The following ZNF618 variants were observed in gnomAD, a reference collection of about 807,000 sequenced individuals.
The protein encoded by ZNF618 is zinc finger protein 618.
ZNF618 carries 34 observed loss-of-function variants against 103.0 expected under a neutral mutation model. The ratio of observed to expected loss-of-function variants is 0.33; its 90% CI spans 0.25 to 0.44. The LOEUF (loss-of-function observed/expected upper bound fraction) is 0.44. Ranked by LOEUF, ZNF618 falls within the 20% of genes least tolerant of loss-of-function variation. The probability of loss-of-function intolerance (pLI) is 1.00; values close to 1 mark genes in which losing one functional copy is unlikely to be tolerated. For synonymous variants in ZNF618, 551 were observed against 542.2 expected (o/e 1.02, Z -0.23); for missense variants, 1,059 against 1,295.4 (o/e 0.82, Z 2.80).
intron 2 of ZNF618, among the ~76,000 whole-genome samples, chr9:113,983,773 G>A (rs1008989798): frequency 3.3e-5 from 5 of 152,152 alleles, no homozygotes; most frequent in Admixed American, 3.3e-4. Flanking sequence ...TGCGAGTTCT[G>A]GTTTTGACTC....
intron 3 of ZNF618, among the ~76,000 whole-genome samples, chr9:113,989,795 G>A (rs961748592): frequency 6.6e-5 from 10 of 152,332 alleles, no homozygotes; most frequent in East Asian, 5.8e-4. Context: ...CCCTTTGCCA[G>A]CTGTTCCCTG....
At chr9:114,035,104 C>T in intron 12 of ZNF618, 1 of 929,248 alleles carries the variant, frequency 1.1e-6, no homozygotes, top group South Asian at 4.9e-5. Context: ...CCCCATCTGG[C>T]TCACTGGTTA....
intron 2 of ZNF618, among the ~76,000 whole-genome samples, chr9:113,983,953 T>C (rs1007857002): frequency 2.0e-5 from 3 of 152,198 alleles, no homozygotes; most frequent in Admixed American, 2.0e-4. Context: ...GCCTGCTTAC[T>C]AGAAGGCAGG....
At chr9:113,951,565 G>GTGTGTGTATA (rs1835755132) in intron 1 of ZNF618, among the ~76,000 whole-genome samples, 1 of 55,554 alleles carries the variant, frequency 1.8e-5, no homozygotes, top group Non-Finnish European at 3.7e-5. Context: ...GTGTGTATAT[G>GTGTGTGTATA]TGTGTGTGTA....
At chr9:114,002,166 G>A (rs1352997681) in intron 5 of ZNF618, 93 bp downstream of exon 5, 11 of 1,095,910 alleles carry the variant, frequency 1.0e-5, no homozygotes, top group East Asian at 2.4e-5. Flanking sequence ...GACCCCAGAG[G>A]CCCTGACAGC....
At chr9:113,981,670 T>C (rs1838990117) in intron 2 of ZNF618, among the ~76,000 whole-genome samples, 1 of 152,234 alleles carries the variant, frequency 6.6e-6, no homozygotes, top group Non-Finnish European at 1.5e-5. Context: ...TGGCATCTCT[T>C]TGGGCTTCAG....
At chr9:113,972,079 A>G (rs1338070280) in intron 2 of ZNF618, among the ~76,000 whole-genome samples, 4 of 152,220 alleles carry the variant, frequency 2.6e-5, no homozygotes, top group Non-Finnish European at 5.9e-5. Context: ...ACAGGGTCTC[A>G]TTCTGTTGCT....
At chr9:113,962,522 A>G (rs367824432) in intron 1 of ZNF618, among the ~76,000 whole-genome samples, 28 of 152,322 alleles carry the variant, frequency 1.8e-4, no homozygotes, top group South Asian at 1.4e-3. Flanking sequence ...AAGGCTCTGC[A>G]TGAGCTGACC....
chr9:114,022,957 C>CT (rs1291356650), intron 10 of ZNF618, among the ~76,000 whole-genome samples: 1 of 152,022 alleles, frequency 6.6e-6, no homozygotes, highest in Non-Finnish European at 1.5e-5. Flanking sequence ...GCCATGACAG[C>CT]TTTCTTAGGA....
At chr9:114,046,240 T>C (rs1845638091) in intron 13 of ZNF618, among the ~76,000 whole-genome samples, 1 of 152,184 alleles carries the variant, frequency 6.6e-6, no homozygotes, top group Non-Finnish European at 1.5e-5. Context: ...CTAGAACTTC[T>C]AATACAGTCA....
At chr9:113,993,819 G>A (rs1421989056) in intron 3 of ZNF618, among the ~76,000 whole-genome samples, 1 of 152,232 alleles carries the variant, frequency 6.6e-6, no homozygotes, top group Non-Finnish European at 1.5e-5. Context: ...ACAACTTACA[G>A]CATTTTGCAA....
intron 1 of ZNF618, among the ~76,000 whole-genome samples, chr9:113,907,484 C>T (rs1268287650): frequency 2.0e-5 from 3 of 152,206 alleles, no homozygotes; most frequent in South Asian, 2.1e-4. Flanking sequence ...CTTGCCACCC[C>T]GGGCAGGGAC....
chr9:113,955,276 A>G (rs1360762020), intron 1 of ZNF618, among the ~76,000 whole-genome samples: 2 of 151,112 alleles, frequency 1.3e-5, no homozygotes, highest in Non-Finnish European at 1.5e-5. Flanking sequence ...GACTGCCCTA[A>G]TGAATTCAAG....
At chr9:114,047,006 G>A (rs552418114) in intron 13 of ZNF618, among the ~76,000 whole-genome samples, 1 of 152,284 alleles carries the variant, frequency 6.6e-6, no homozygotes, top group South Asian at 2.1e-4. Context: ...CAGAAACCTA[G>A]GACTTGGGAG....
chr9:114,036,449 G>A, intron 13 of ZNF618, 72 bp downstream of exon 13: 1 of 1,463,624 alleles, frequency 6.8e-7, no homozygotes, highest in Middle Eastern at 1.7e-4. Context: ...GTTAGGGCCT[G>A]ACCTGAGGCC....
rs1328589287 is a variant in ZNF618 at position 114,052,397 on chromosome 9, G to A, written c.*2230G>A. On this transcript the variant is annotated 3_prime_UTR_variant, in exon 15 of 15. Transcript: ENST00000374126. Reference sequence around the variant, plus strand: ...ACCTCCACAACATTTCCAACTGGGGGACTGAGCCCACTTATCAGAGAAGAG... The same window carrying A: ...ACCTCCACAACATTTCCAACTGGGGAACTGAGCCCACTTATCAGAGAAGAG... 1 of 152,654 alleles carries A rather than the reference G, an allele frequency of 6.6e-6. No individual in the cohort carries two copies. The highest frequency in any genetic ancestry group is 1.5e-5 in the Non-Finnish European group (1 of 68,074). 9.5% of individuals were successfully genotyped at this position (152,654 alleles called of 1,614,324 possible).
intron 1 of ZNF618, among the ~76,000 whole-genome samples, chr9:113,905,851 C>G (rs1362614052): frequency 6.6e-6 from 1 of 152,178 alleles, no homozygotes; most frequent in East Asian, 1.9e-4. Context: ...TTCAGGAGAC[C>G]TCTGAGCTCT....
chr9:114,049,525 G>T lies in ZNF618; in HGVS notation c.2223G>T (p.Pro741=), dbSNP rs368210659. The part of the protein sequence containing the change: ...LLSNLAAILT[P]VKQAVIELSN... ...GCAACCTGGCGGCCATCCTGACGCC[G>T]GTGAAGCAGGCAGTCATCGAGCTGA... The change falls in exon 15 of 15, where the codon CCG becomes CCT. Residue 741 remains proline (P), a synonymous_variant. Coordinates refer to ENST00000374126, the MANE Select transcript of ZNF618 (RefSeq NM_001318042.2). The T allele has an allele frequency of 1.9e-4, 306 of 1,613,646 alleles. 1 individual carries two copies. In the Middle Eastern group the frequency reaches 2.6e-3, roughly 14 times the overall value.
chr9:113,889,734 T>C (rs1301602245), intron 1 of ZNF618, among the ~76,000 whole-genome samples: 1 of 152,208 alleles, frequency 6.6e-6, no homozygotes, highest in Non-Finnish European at 1.5e-5. Context: ...CATGCATCTC[T>C]CTCTCTACCC....
Sources: allele counts gnomAD v4.1 joint callset (sites outside exome capture counted in the v4.1 genomes callset), GRCh38; gene constraint gnomAD v4.1.1; transcripts MANE v1.5; gene names NCBI Gene and HGNC (gene_info 2026-07-23, HGNC 2026-07-21).